Variants in SUGCT observed in about 807,000 individuals in gnomAD.
SUGCT encodes succinyl-CoA:glutarate-CoA transferase.
In SUGCT, 41 loss-of-function variants were observed where a neutral mutation model predicts 55.0. That is an observed-to-expected ratio of 0.74 (90% CI 0.58 to 0.97). The LOEUF is 0.97. Ranked by LOEUF, SUGCT falls within the 50% of genes least tolerant of loss-of-function variation. SUGCT has a pLI of 0.00. For missense variants in SUGCT, 568 were observed against 547.8 expected, an observed-to-expected ratio of 1.04 and a Z score of -0.37; for synonymous variants, 187 against 200.4, an observed-to-expected ratio of 0.93 and a Z score of 0.56.
chr7:40,687,069 T>C (rs1784500071), intron 12 of SUGCT, among the ~76,000 whole-genome samples: 1 of 152,206 alleles, frequency 6.6e-6, no homozygotes, highest in African/African-American at 2.4e-5. Flanking sequence ...TCTAAGTTGA[T>C]TACTGCTTAT....
the SUGCT span, among the ~76,000 whole-genome samples, chr7:40,983,357 A>G: frequency 1.3e-5 from 2 of 152,128 alleles, no homozygotes; most frequent in African/African-American, 4.8e-5. Flanking sequence ...CCTGTATTGT[A>G]TTACTTTCTT....
chr7:40,277,001 T>C (rs1792543236), intron 8 of SUGCT, among the ~76,000 whole-genome samples: 2 of 152,108 alleles, frequency 1.3e-5, no homozygotes, highest in South Asian at 4.1e-4. Context: ...CTGTTACCAG[T>C]GGGAATGTCT....
the SUGCT span, among the ~76,000 whole-genome samples, chr7:40,922,880 T>A: frequency 2.0e-5 from 3 of 152,366 alleles, no homozygotes; most frequent in South Asian, 6.2e-4. Flanking sequence ...GCCCTTTGGC[T>A]GTTTTACACA....
intron 9 of SUGCT, among the ~76,000 whole-genome samples, chr7:40,341,618 T>C (rs1223818262): frequency 6.6e-6 from 1 of 152,246 alleles, no homozygotes; most frequent in Non-Finnish European, 1.5e-5. Context: ...AATAAGCTTT[T>C]GAAAGATGGC....
At chr7:40,192,160 G>T (rs191506465) in intron 5 of SUGCT, among the ~76,000 whole-genome samples, 154 of 149,192 alleles carry the variant, frequency 1.0e-3, no homozygotes, top group Non-Finnish European at 1.8e-3. Flanking sequence ...TCTCCATTTA[G>T]GCCTTGGTGG....
intron 12 of SUGCT, among the ~76,000 whole-genome samples, chr7:40,732,495 C>T (rs1786946484): frequency 6.6e-6 from 1 of 152,146 alleles, no homozygotes; most frequent in African/African-American, 2.4e-5. Context: ...AGGTTGGATT[C>T]AAGGACTAGG....
At chr7:40,750,415 T>A (rs1787951250) in intron 13 of SUGCT, among the ~76,000 whole-genome samples, 1 of 152,194 alleles carries the variant, frequency 6.6e-6, no homozygotes, top group Admixed American at 6.5e-5. Context: ...ATAATTTTTG[T>A]TATTGTTTTT....
the SUGCT span, among the ~76,000 whole-genome samples, chr7:41,031,505 C>T: frequency 1.3e-4 from 20 of 152,200 alleles, no homozygotes; most frequent in Non-Finnish European, 2.6e-4. Context: ...GTCAAGGTTA[C>T]AGCATGACTG....
At chr7:40,449,448 C>T (rs1321197988) in intron 10 of SUGCT, 90 bp downstream of exon 10, 2 of 858,634 alleles carry the variant, frequency 2.3e-6, no homozygotes, top group Non-Finnish European at 3.9e-6. Flanking sequence ...CTTAGGCCCC[C>T]TGTGTTAGCA....
intron 9 of SUGCT, among the ~76,000 whole-genome samples, chr7:40,386,254 A>G (rs2151292285): frequency 6.6e-6 from 1 of 152,280 alleles, no homozygotes; most frequent in Non-Finnish European, 1.5e-5. Flanking sequence ...ATATCTAGAA[A>G]GCACATCTTC....
At chr7:40,914,114 T>C in the SUGCT span, among the ~76,000 whole-genome samples, 1 of 151,768 alleles carries the variant, frequency 6.6e-6, no homozygotes, top group South Asian at 2.1e-4. Flanking sequence ...CACTTCTACG[T>C]ATCTAATTTT....
At chr7:40,332,320 A>G (rs1796355958) in intron 9 of SUGCT, among the ~76,000 whole-genome samples, 1 of 152,330 alleles carries the variant, frequency 6.6e-6, no homozygotes, top group South Asian at 2.1e-4. Flanking sequence ...CTGATGTGAC[A>G]TCACCTGTAT....
intron 1 of SUGCT, among the ~76,000 whole-genome samples, chr7:40,147,994 T>C (rs1440808325): frequency 6.6e-6 from 1 of 152,228 alleles, no homozygotes; most frequent in Non-Finnish European, 1.5e-5. Flanking sequence ...CTGATGCACA[T>C]GGCCCCTGCT....
At chr7:40,786,222 T>C (rs554970512) in intron 13 of SUGCT, among the ~76,000 whole-genome samples, 120 of 152,316 alleles carry the variant, frequency 7.9e-4, no homozygotes, top group African/African-American at 2.8e-3. Context: ...ATTTCAGACA[T>C]GTGTGTTGAC....
At chr7:40,902,919 T>A in the SUGCT span, among the ~76,000 whole-genome samples, 2 of 152,176 alleles carry the variant, frequency 1.3e-5, no homozygotes, top group East Asian at 3.9e-4. Context: ...AGGCAATGAA[T>A]TTAATCCTCT....
At chr7:40,920,597 T>C in the SUGCT span, among the ~76,000 whole-genome samples, 5 of 152,184 alleles carry the variant, frequency 3.3e-5, no homozygotes, top group African/African-American at 7.2e-5. Flanking sequence ...TCAGTTTTAT[T>C]GTTGTTTGTC....
intron 1 of SUGCT, among the ~76,000 whole-genome samples, chr7:40,159,935 C>A (rs1368132236): frequency 6.6e-6 from 1 of 152,134 alleles, no homozygotes; most frequent in Non-Finnish European, 1.5e-5. Context: ...TGGGCAGAAA[C>A]TTTGTGTGTT....
At chr7:40,499,289 C>T (rs555088633) in intron 12 of SUGCT, 31 of 274,716 alleles carry the variant, frequency 1.1e-4, no homozygotes, top group East Asian at 8.6e-4. Flanking sequence ...GACTCAGTAA[C>T]GGCAGAAAAA....
intron 12 of SUGCT, among the ~76,000 whole-genome samples, chr7:40,514,263 G>T (rs748374317): frequency 4.0e-5 from 6 of 151,882 alleles, no homozygotes; most frequent in Non-Finnish European, 8.8e-5. Context: ...AGCTCAGTTT[G>T]TTTTCTGAGA....
Sources: gnomAD v4.1 joint callset for allele counts (sites outside exome capture counted in the v4.1 genomes callset) on GRCh38, gnomAD v4.1.1 for gene constraint, MANE v1.5 for transcripts, NCBI Gene and HGNC (gene_info 2026-07-23, HGNC 2026-07-21) for gene names.